The following PATJ variants were observed in gnomAD, a reference collection of about 807,000 sequenced individuals.
PATJ encodes the protein PATJ crumbs cell polarity complex component.
In PATJ, 190 loss-of-function variants were observed where a neutral mutation model predicts 224.9. That is an observed-to-expected ratio of 0.84 (90% CI 0.75 to 0.95). The LOEUF (loss-of-function observed/expected upper bound fraction) is 0.95, where lower values mean the gene tolerates loss of function less well. Among genes scored for constraint, PATJ ranks in the 40% least tolerant of loss-of-function variants. The pLI is 0.00. For synonymous variants in PATJ, 769 were observed against 820.3 expected (o/e 0.94, Z 1.07); for missense variants, 2,121 against 2,270.3 (o/e 0.93, Z 1.34).
At chr1:61,791,598 C>T (rs906732208) in intron 9 of PATJ, 151 bp downstream of exon 9, 4 of 501,612 alleles carry the variant, frequency 8.0e-6, no homozygotes, top group African/African-American at 1.9e-5. Context: ...TCAGTGATTA[C>T]AGAATCACAT....
At chr1:62,030,933 G>T (rs966965537) in intron 29 of PATJ, among the ~76,000 whole-genome samples, 1 of 152,102 alleles carries the variant, frequency 6.6e-6, no homozygotes, top group Non-Finnish European at 1.5e-5. Context: ...GAACATTTGG[G>T]TTGTTTCCAG....
At chr1:61,977,143 A>G (rs1382570106) in intron 27 of PATJ, among the ~76,000 whole-genome samples, 1 of 152,014 alleles carries the variant, frequency 6.6e-6, no homozygotes, top group Non-Finnish European at 1.5e-5. Flanking sequence ...GCTGGAGTGT[A>G]GTGGCGTGAT....
intron 26 of PATJ, among the ~76,000 whole-genome samples, chr1:61,923,789 G>A (rs937086316): frequency 5.3e-5 from 8 of 151,808 alleles, no homozygotes; most frequent in African/African-American, 1.7e-4. Flanking sequence ...GGCTGTGGTG[G>A]CACATGCCTA....
chr1:62,028,964 A>AATACATACATACATACATACATACATAC (rs66669120), intron 29 of PATJ, among the ~76,000 whole-genome samples: 17 of 147,550 alleles, frequency 1.2e-4, no homozygotes, highest in Non-Finnish European at 2.1e-4. Context: ...CCTGTCTCAA[A>AATACATACATACATACATACATACATAC]ATACATACAT....
chr1:61,751,650 AC>A (rs1645337006), intron 1 of PATJ, among the ~76,000 whole-genome samples: 1 of 151,278 alleles, frequency 6.6e-6, no homozygotes, highest in African/African-American at 2.4e-5. Flanking sequence ...ACATGGTAAA[AC>A]CCTGCCTTTA....
At chr1:61,805,043 C>T (rs1653249061) in intron 12 of PATJ, among the ~76,000 whole-genome samples, 2 of 152,140 alleles carry the variant, frequency 1.3e-5, no homozygotes. Flanking sequence ...AATGGAACTA[C>T]TTTGAAGTGA....
rs140781862 is a variant in PATJ at position 61,918,564 on chromosome 1, G to A, written c.3570+3900G>A. On this transcript the variant is annotated intron_variant, in intron 26 of 43. Transcript: ENST00000642238. ...GAGCTCAGGCAATCTGCCCACCTCC[G>A]CCTCTCAAAGTGCTAGGATTACAGG... 6.2e-3 allele frequency among the ~76,000 whole-genome samples: 934 copies of A among 151,368 alleles called. 5 individuals are homozygous for A. Among genetic ancestry groups the A allele is most frequent in the Non-Finnish European group, 7.7e-3 (523 of 67,842 alleles).
intron 33 of PATJ, among the ~76,000 whole-genome samples, chr1:62,087,314 T>C (rs1244554142): frequency 3.3e-5 from 5 of 152,040 alleles, no homozygotes; most frequent in Admixed American, 3.3e-4. Context: ...GTCAAGTTGC[T>C]TCTCCTCAGT....
At chr1:61,875,624 G>A (rs988802500) in intron 21 of PATJ, 6 of 303,350 alleles carry the variant, frequency 2.0e-5, no homozygotes, top group African/African-American at 1.4e-4. Flanking sequence ...TAGCAGTATG[G>A]ATTGAAACTC....
chr1:61,813,224 G>A (rs1557689546), intron 14 of PATJ, among the ~76,000 whole-genome samples: 2 of 151,180 alleles, frequency 1.3e-5, no homozygotes, highest in South Asian at 4.2e-4. Context: ...TTTTTGAAGA[G>A]TGTGATTCTC....
chr1:61,746,902 G>A (rs530262138), intron 1 of PATJ, among the ~76,000 whole-genome samples: 2 of 152,290 alleles, frequency 1.3e-5, no homozygotes, highest in Non-Finnish European at 2.9e-5. Context: ...TGTTCTCATA[G>A]TGAATTCACA....
chr1:61,742,823 G>C (rs1644829030), intron 1 of PATJ, among the ~76,000 whole-genome samples: 1 of 150,346 alleles, frequency 6.7e-6, no homozygotes, highest in South Asian at 2.1e-4. Context: ...CTCCTGCGTC[G>C]GGCCCGGGTG....
At chr1:61,901,815 G>A (rs963317956) in intron 24 of PATJ, among the ~76,000 whole-genome samples, 3 of 152,162 alleles carry the variant, frequency 2.0e-5, no homozygotes, top group Non-Finnish European at 2.9e-5. Context: ...TATGTGTCAG[G>A]AGGATATTAT....
At chr1:61,933,959 G>T (rs148178698) in intron 27 of PATJ, among the ~76,000 whole-genome samples, 337 of 150,908 alleles carry the variant, frequency 2.2e-3, no homozygotes, top group Admixed American at 3.7e-3. Flanking sequence ...TTTTCGAGAT[G>T]GAGTCTTGCT....
intron 34 of PATJ, among the ~76,000 whole-genome samples, chr1:62,110,374 G>A (rs1170802230): frequency 6.6e-6 from 1 of 152,126 alleles, no homozygotes; most frequent in Non-Finnish European, 1.5e-5. Flanking sequence ...GTTTTCGTGG[G>A]ATATTTTGAG....
chr1:61,960,057 T>C (rs1474438068), intron 27 of PATJ, among the ~76,000 whole-genome samples: 2 of 152,114 alleles, frequency 1.3e-5, no homozygotes, highest in Non-Finnish European at 2.9e-5. Flanking sequence ...TGATGTTTCA[T>C]GGTTATATTC....
intron 31 of PATJ, among the ~76,000 whole-genome samples, chr1:62,078,249 A>G (rs1316349566): frequency 6.6e-6 from 1 of 152,122 alleles, no homozygotes; most frequent in Non-Finnish European, 1.5e-5. Flanking sequence ...ATAAGCAAGG[A>G]GTCCTTTTGG....
At chr1:61,990,080 G>A in intron 27 of PATJ, 88 bp from the exon 28 acceptor site, 1 of 1,010,500 alleles carries the variant, frequency 9.9e-7, no homozygotes, top group Admixed American at 2.8e-5. Context: ...CCATAGTTGA[G>A]AAATCACAGT....
chr1:62,028,445 C>T (rs150331835), intron 29 of PATJ, among the ~76,000 whole-genome samples: 4 of 152,270 alleles, frequency 2.6e-5, no homozygotes, highest in African/African-American at 7.2e-5. Context: ...ATCATCCATT[C>T]CCCCATTGAA....
Sources: allele counts gnomAD v4.1 joint callset (sites outside exome capture counted in the v4.1 genomes callset), GRCh38; gene constraint gnomAD v4.1.1; transcripts MANE v1.5; gene names NCBI Gene and HGNC (gene_info 2026-07-23, HGNC 2026-07-21).